PAICS: variants seen among roughly 807,000 people sequenced by gnomAD.
PAICS encodes the protein bifunctional phosphoribosylaminoimidazole carboxylase/phosphoribosylaminoimidazole succinocarboxamide synthetase.
In PAICS, 33 loss-of-function variants were observed where a neutral mutation model predicts 53.7. The observed-to-expected ratio is 0.61, with a 90% CI of 0.47 to 0.82. The LOEUF is 0.82. Among genes scored for constraint, PAICS ranks in the 40% least tolerant of loss-of-function variants. The pLI is 0.00. For missense variants in PAICS, 394 were observed against 494.1 expected (o/e 0.80, Z 1.92); for synonymous variants, 141 against 167.2 (o/e 0.84, Z 1.21).
At chr4:56,449,707 G>A (rs1412494984) in intron 5 of PAICS, among the ~76,000 whole-genome samples, 1 of 151,828 alleles carries the variant, frequency 6.6e-6, no homozygotes, top group Non-Finnish European at 1.5e-5. Flanking sequence ...GCCAGGCGCG[G>A]TGGCTCACAC....
In PAICS at chr4:56,453,754, A is replaced by T. The variant is rs1410678605; in HGVS notation, c.1104A>T (p.Leu368=). 6.5e-7 allele frequency: 1 copy of T among 1,543,306 alleles called. No individual in the cohort carries two copies. The highest frequency in any genetic ancestry group is 2.0e-5 in the Admixed American group (1 of 50,870). The stretch of plus-strand genomic sequence containing the variant: ...AGGATGTGTGGTCTTCTCTTCGACT[A>T]CCCAGTGGTAAGATACATTGAATTT... ...GVQDVWSSLR[L]PSGLGCSTVL... Residue 368 remains leucine, a synonymous_variant, in exon 8 of 9, where the codon CTA becomes CTT. Transcript: ENST00000512576.
upstream of PAICS, chr4:56,436,059 G>A (rs892847217): frequency 1.2e-4 from 173 of 1,498,378 alleles, no homozygotes; most frequent in Admixed American, 2.7e-4. Context: ...GCGCGGGGCG[G>A]CCCGGAGGCG....
Position 56,464,226 on chromosome 4 carries a change from A to C in PAICS, c.*4688A>C, listed in dbSNP as rs1256503421. 7 of 152,224 alleles carry C rather than the reference A, an allele frequency of 4.6e-5. No individual in the cohort carries two copies. Among genetic ancestry groups the C allele is most frequent in the African/African-American group, 1.7e-4 (7 of 41,466 alleles). 9.4% of individuals were successfully genotyped at this position (152,224 alleles called of 1,614,324 possible). Reference sequence around the variant, plus strand: ...ATTGGTTCTGTATTTTTTAGAGAACAAATACAGCCTATTATGTATATATAA... The same window carrying C: ...ATTGGTTCTGTATTTTTTAGAGAACCAATACAGCCTATTATGTATATATAA... On this transcript the variant is annotated 3_prime_UTR_variant, in exon 9 of 9. Transcript: ENST00000512576.
intron 8 of PAICS, among the ~76,000 whole-genome samples, chr4:56,458,478 G>C (rs1299218225): frequency 2.6e-5 from 4 of 152,190 alleles, no homozygotes; most frequent in Non-Finnish European, 5.9e-5. Context: ...ACTCATTGAA[G>C]TGTCACATCA....
At chr4:56,436,075 G>A, upstream of PAICS, 1 of 1,484,738 alleles carries the variant, frequency 6.7e-7, no homozygotes, top group Non-Finnish European at 8.9e-7. Flanking sequence ...AGGCGGGGTC[G>A]CGTCTCTGCG....
At chr4:56,449,236 G>A (rs930797140) in intron 5 of PAICS, among the ~76,000 whole-genome samples, 1 of 152,052 alleles carries the variant, frequency 6.6e-6, no homozygotes, top group African/African-American at 2.4e-5. Flanking sequence ...CTCAAAAGAA[G>A]ACATTTATGC....
the PAICS span, among the ~76,000 whole-genome samples, chr4:56,424,464 A>G: frequency 1.3e-5 from 2 of 152,190 alleles, no homozygotes; most frequent in Admixed American, 6.5e-5. Context: ...GGGAAGAAAA[A>G]TTTGCTAATG....
At position 56,459,520 on chromosome 4, in the gene PAICS, CAG is replaced by C. The variant is rs1259003874; in HGVS notation, c.1264_1265del (p.Glu422MetfsTer2). On this transcript the variant is annotated frameshift_variant, in exon 9 of 9. Coordinates refer to ENST00000512576, the MANE Select transcript of PAICS (RefSeq NM_001079524.2). LOFTEE classifies it high-confidence loss of function. Reference sequence around the variant, plus strand: ...CCTTGAAGCAGGCTGACAAGAAAATCAGAGAATGTAATTTATAAGAAAGAATG... The same window carrying C: ...CCTTGAAGCAGGCTGACAAGAAAATCAGAATGTAATTTATAAGAAAGAATG... ...ISLKQADKKI[R>X]ECNL The C allele has an allele frequency of 1.3e-6, 2 of 1,560,244 alleles. No homozygotes were observed. Among genetic ancestry groups the C allele is most frequent in the Non-Finnish European group, 1.7e-6 (2 of 1,143,744 alleles).
chr4:56,424,679 G>C, the PAICS span, among the ~76,000 whole-genome samples: 21 of 152,256 alleles, frequency 1.4e-4, no homozygotes, highest in East Asian at 4.1e-3. Flanking sequence ...AGGATAAAAG[G>C]AATCAAGAAG....
At chr4:56,423,582 C>T in the PAICS span, 1 of 151,876 alleles carries the variant, frequency 6.6e-6, no homozygotes, top group South Asian at 2.1e-4. Context: ...CTTGTTAGTC[C>T]TCTGGAAAAC....
Position 56,459,360 on chromosome 4 carries a change from C to T in PAICS, c.1112-12C>T. On this transcript the variant is annotated splice_polypyrimidine_tract_variant and intron_variant, in intron 8 of 8. Transcript: ENST00000512576. ...AGCTCAATTTTCTGTCTTTTCCTTG[C>T]TGAACCAATAGGTCTTGGCTGTTCA... 6.6e-7 allele frequency: 1 copy of T among 1,519,262 alleles called. No individual in the cohort carries two copies. The highest frequency in any genetic ancestry group is 8.9e-7 in the Non-Finnish European group (1 of 1,125,934). The allele number at this position is 1,519,262 out of a possible 1,614,324, so 94.1% of individuals were successfully genotyped here. A position where few individuals can be genotyped will look rare whatever the true frequency, so the allele number is the denominator to read the frequency against.
chr4:56,435,250 G>T (rs2110074481), upstream of PAICS: 1 of 1,547,242 alleles, frequency 6.5e-7, no homozygotes, highest in African/African-American at 1.3e-5. Flanking sequence ...GGAGAGGTCG[G>T]TCCTCCCGGG....
chr4:56,414,744 C>T, the PAICS span, among the ~76,000 whole-genome samples: 1 of 152,062 alleles, frequency 6.6e-6, no homozygotes, highest in East Asian at 1.9e-4. Context: ...GAATAGAAAC[C>T]CTGCCTTTAT....
upstream of PAICS, chr4:56,436,065 A>G: frequency 6.7e-7 from 1 of 1,488,092 alleles, no homozygotes; most frequent in Admixed American, 2.1e-5. Flanking sequence ...GGCGGCCCGG[A>G]GGCGGGGTCG....
intron 8 of PAICS, among the ~76,000 whole-genome samples, chr4:56,454,727 C>T (rs185894591): frequency 6.6e-6 from 1 of 151,578 alleles, no homozygotes; most frequent in East Asian, 1.9e-4. Flanking sequence ...CCTATATTTT[C>T]TATAAACTGA....
the PAICS span, among the ~76,000 whole-genome samples, chr4:56,413,781 C>T: frequency 1.3e-5 from 2 of 152,024 alleles, no homozygotes; most frequent in African/African-American, 4.8e-5. Flanking sequence ...CCTGTAATCC[C>T]AGCTACTTGG....
At position 56,460,375 on chromosome 4, in the gene PAICS, T is replaced by C. The variant is rs1719446947; in HGVS notation, c.*837T>C. On this transcript the variant is annotated 3_prime_UTR_variant, in exon 9 of 9. Transcript: ENST00000512576. ...TCACATCTCACTCATCACCAAGTCA[T>C]GTTGGTGTTAATTTCTGATTAACCC... 6.6e-6 allele frequency: 1 copy of C among 152,204 alleles called. No individual in the cohort carries two copies. The highest frequency in any genetic ancestry group is 1.5e-5 in the Non-Finnish European group (1 of 68,038). 9.4% of individuals were successfully genotyped at this position (152,204 alleles called of 1,614,324 possible).
At chr4:56,419,309 C>T in the PAICS span, among the ~76,000 whole-genome samples, 1 of 152,028 alleles carries the variant, frequency 6.6e-6, no homozygotes, top group Admixed American at 6.6e-5. Flanking sequence ...TGAACTTCCA[C>T]TATACACTGA....
chr4:56,433,195 C>T (rs573898673), upstream of PAICS, among the ~76,000 whole-genome samples: 1 of 151,724 alleles, frequency 6.6e-6, no homozygotes, highest in South Asian at 2.1e-4. Context: ...TGGGTGAGAA[C>T]CAGCCCTCTT....
Sources: gnomAD v4.1 joint callset for allele counts (sites outside exome capture counted in the v4.1 genomes callset) on GRCh38, gnomAD v4.1.1 for gene constraint, MANE v1.5 for transcripts, NCBI Gene and HGNC (gene_info 2026-07-23, HGNC 2026-07-21) for gene names.